Variants in TPPP observed in about 807,000 individuals in gnomAD.
TPPP encodes the protein tubulin polymerization-promoting protein.
A neutral mutation model predicts 15.5 loss-of-function variants in TPPP; 6 were observed. The observed-to-expected ratio is 0.39, with a 90% CI of 0.21 to 0.77. The LOEUF (loss-of-function observed/expected upper bound fraction) is 0.77. Ranked by LOEUF, TPPP falls within the 30% of genes least tolerant of loss-of-function variation. The pLI, the probability that TPPP is intolerant of heterozygous loss-of-function variation, is 0.42. For synonymous variants in TPPP, 146 were observed against 133.9 expected, an observed-to-expected ratio of 1.09 and a Z score of -0.63; for missense variants, 269 against 307.2, an observed-to-expected ratio of 0.88 and a Z score of 0.93.
At chr5:668,584 C>CG (rs1561082427) in intron 2 of TPPP, among the ~76,000 whole-genome samples, 1 of 152,216 alleles carries the variant, frequency 6.6e-6, no homozygotes, top group Non-Finnish European at 1.5e-5. Context: ...GAGCAGGCCG[C>CG]GGGGTGGGGG....
chr5:699,434 G>A, the TPPP span, among the ~76,000 whole-genome samples: 1 of 152,032 alleles, frequency 6.6e-6, no homozygotes, highest in Non-Finnish European at 1.5e-5. Context: ...GAATGAAACT[G>A]GACAAATACC....
Position 664,866 on chromosome 5 carries a change from G to A in TPPP, c.*236C>T. 1 of 551,852 alleles carries A rather than the reference G, an allele frequency of 1.8e-6. No individual in the cohort carries two copies. The highest frequency in any genetic ancestry group is 3.2e-6 in the Non-Finnish European group (1 of 309,042). The allele number at this position is 551,852 out of a possible 1,614,324, so 34.2% of individuals were successfully genotyped here. A position where few individuals can be genotyped will look rare whatever the true frequency, so the allele number is the denominator to read the frequency against. On this transcript the variant is annotated 3_prime_UTR_variant, in exon 4 of 4. Transcript: ENST00000360578. ...CACTTTGGAAATGGCTGAGGACGAG[G>A]CAGGTGTATTAGGAGGGTCAGCGAA...
chr5:670,732 G>A (rs933881505), intron 2 of TPPP, among the ~76,000 whole-genome samples: 5 of 152,144 alleles, frequency 3.3e-5, no homozygotes, highest in Admixed American at 1.3e-4. Flanking sequence ...CCTGTTGGCC[G>A]CCCCTGCCTC....
intron 2 of TPPP, among the ~76,000 whole-genome samples, chr5:668,420 G>A (rs1176765247): frequency 8.0e-6 from 1 of 125,776 alleles, no homozygotes; most frequent in Admixed American, 7.7e-5. Flanking sequence ...ACAGAGAGGG[G>A]GCCGCGTGGG....
intron 2 of TPPP, among the ~76,000 whole-genome samples, chr5:677,024 G>A (rs372395622): frequency 1.3e-5 from 2 of 149,032 alleles, no homozygotes; most frequent in East Asian, 2.0e-4. Flanking sequence ...ACGCGCACAC[G>A]TGCACACACG....
chr5:675,513 A>G (rs931340760), intron 2 of TPPP, among the ~76,000 whole-genome samples: 512 of 30,742 alleles, frequency 0.017, 23 homozygotes, highest in African/African-American at 0.098. Context: ...CTGCAGTGTG[A>G]CCAGGGGTGC....
chr5:699,692 G>A, the TPPP span, among the ~76,000 whole-genome samples: 1 of 151,386 alleles, frequency 6.6e-6, no homozygotes, highest in African/African-American at 2.4e-5. Flanking sequence ...TGCAGAATGG[G>A]AAAATATTTG....
intron 2 of TPPP, among the ~76,000 whole-genome samples, chr5:673,979 G>A (rs1740313583): frequency 6.6e-6 from 1 of 152,240 alleles, no homozygotes; most frequent in African/African-American, 2.4e-5. Context: ...ATGCACACAT[G>A]CGCCATAGTT....
intron 2 of TPPP, among the ~76,000 whole-genome samples, chr5:675,536 G>GGTAC (rs1740400699): frequency 3.1e-5 from 4 of 130,098 alleles, no homozygotes; most frequent in African/African-American, 1.1e-4. Context: ...TGTGGCCGGG[G>GGTAC]ATGCCGTGTG....
chr5:676,675 A>G (rs972542074), intron 2 of TPPP: 3 of 152,264 alleles, frequency 2.0e-5, no homozygotes, highest in African/African-American at 7.2e-5. Context: ...GTGTCGGGAC[A>G]TGAGGTGAAA....
At chr5:669,859 C>A (rs1023176552) in intron 2 of TPPP, among the ~76,000 whole-genome samples, 1 of 152,134 alleles carries the variant, frequency 6.6e-6, no homozygotes, top group Non-Finnish European at 1.5e-5. Flanking sequence ...CTGCCTCTTC[C>A]CCAGAGACAC....
intron 2 of TPPP, among the ~76,000 whole-genome samples, chr5:672,471 G>T (rs1392077543): frequency 7.2e-5 from 11 of 152,272 alleles, no homozygotes; most frequent in African/African-American, 2.7e-4. Context: ...CTCCCAGCCA[G>T]CTGAGACCGC....
At chr5:671,029 C>G (rs2126882794) in intron 2 of TPPP, among the ~76,000 whole-genome samples, 1 of 152,286 alleles carries the variant, frequency 6.6e-6, no homozygotes, top group Middle Eastern at 3.4e-3. Flanking sequence ...GGCCAGGGCC[C>G]TCCCATTGCT....
chr5:678,989 C>T (rs1242242251), intron 1 of TPPP, among the ~76,000 whole-genome samples: 1 of 152,130 alleles, frequency 6.6e-6, no homozygotes, highest in Non-Finnish European at 1.5e-5. Context: ...AAAGCTGCTT[C>T]CCAAAGGGGC....
intron 2 of TPPP, among the ~76,000 whole-genome samples, chr5:668,385 T>C (rs11738955): frequency 4.0e-3 from 180 of 45,542 alleles, no homozygotes; most frequent in Admixed American, 6.2e-3. Context: ...CGCGTGGGCC[T>C]CGTCAGGGAA....
Position 677,956 on chromosome 5 carries a change from C to T in TPPP, c.105G>A (p.Ser35=), listed in dbSNP as rs766527599. Reference sequence around the variant, plus strand: ...CGGCTGCCCCCTCACCAGCACCCTCCGATTCCAGCGACAGCCTCTTGGCTG... The same window carrying T: ...CGGCTGCCCCCTCACCAGCACCCTCTGATTCCAGCGACAGCCTCTTGGCTG... The part of the protein sequence containing the change: ...DRAAKRLSLE[S]EGAGEGAAAS... Residue 35 remains serine (S), a synonymous_variant, in exon 2 of 4, where the codon TCG becomes TCA. Coordinates refer to ENST00000360578, the MANE Select transcript of TPPP (RefSeq NM_007030.3). 6.7e-5 allele frequency: 108 copies of T among 1,611,282 alleles called. No individual in the cohort carries two copies. Among genetic ancestry groups the T allele is most frequent in the East Asian group, 1.8e-4 (8 of 44,760 alleles).
chr5:677,711 TA>T, intron 2 of TPPP, 38 bp downstream of exon 2: 1 of 1,511,680 alleles, frequency 6.6e-7, no homozygotes, highest in Non-Finnish European at 8.8e-7. Context: ...CAGACCCCCG[TA>T]AGTCAGGTCC....
chr5:698,596 G>A, the TPPP span, among the ~76,000 whole-genome samples: 1 of 151,862 alleles, frequency 6.6e-6, no homozygotes, highest in African/African-American at 2.4e-5. Context: ...AAGTGAAAGG[G>A]GTTTCCCCTT....
chr5:699,662 A>C, the TPPP span, among the ~76,000 whole-genome samples: 4 of 151,858 alleles, frequency 2.6e-5, no homozygotes, highest in African/African-American at 9.7e-5. Context: ...AGAAACTATC[A>C]ACAGGGTAAA....
Sources: allele counts gnomAD v4.1 joint callset (sites outside exome capture counted in the v4.1 genomes callset), GRCh38; gene constraint gnomAD v4.1.1; transcripts MANE v1.5; gene names NCBI Gene and HGNC (gene_info 2026-07-23, HGNC 2026-07-21).